Variants in PCNX1 observed in about 807,000 individuals in gnomAD.
PCNX1 encodes the protein pecanex 1.
PCNX1 carries 78 observed loss-of-function variants against 242.2 expected under a neutral mutation model. That is an observed-to-expected ratio of 0.32 (90% CI 0.27 to 0.39). PCNX1 has a LOEUF of 0.39. Ranked by LOEUF, PCNX1 falls within the 10% of genes least tolerant of loss-of-function variation. The pLI is 1.00. For missense variants in PCNX1, 2,581 were observed against 2,856.5 expected (o/e 0.90, Z 2.20); for synonymous variants, 1,024 against 1,032.9 (o/e 0.99, Z 0.17).
rs908949538 is a variant in PCNX1, at chr14:70,924,045, C to T, written c.153+16042C>T. The stretch of plus-strand genomic sequence containing the variant: ...CAGGAGTTCGAGACTAGCCTGGGCT[C>T]TATGGGGAAACCCTGTCTCTACAAA... On this transcript the variant is annotated intron_variant, in intron 1 of 35. Transcript: ENST00000304743. Among the ~76,000 whole-genome samples the T allele has an allele frequency of 2.0e-5, 3 of 151,742 alleles. No individual in the cohort carries two copies. In the East Asian group the frequency reaches 5.8e-4, roughly 29 times the overall value.
chr14:71,110,018 T>G lies in PCNX1; in HGVS notation c.*83T>G. On this transcript the variant is annotated 3_prime_UTR_variant, in exon 36 of 36. Transcript: ENST00000304743. ...AAGAGAGGAACAAGCAGAAGATGCCTGCAGGTATCACTTTGATCCTATGTG... is the reference window on the plus strand; with the variant it reads ...AAGAGAGGAACAAGCAGAAGATGCCGGCAGGTATCACTTTGATCCTATGTG... 1 of 1,216,392 alleles carries G rather than the reference T, an allele frequency of 8.2e-7. No individual in the cohort carries two copies. Among genetic ancestry groups the G allele is most frequent in the Non-Finnish European group, 1.2e-6 (1 of 822,418 alleles). The allele number at this position is 1,216,392 out of a possible 1,614,324, so 75.3% of individuals were successfully genotyped here.
chr14:71,077,133 C>CA (rs961389501), intron 28 of PCNX1, among the ~76,000 whole-genome samples: 60 of 152,170 alleles, frequency 3.9e-4, no homozygotes, highest in African/African-American at 1.4e-3. Context: ...TGGTGGCTCC[C>CA]AATCCACACA....
At position 71,111,270 on chromosome 14, in the gene PCNX1, C is replaced by T. The variant is rs117432272; in HGVS notation, c.*1335C>T. 6 of 152,578 alleles carry T rather than the reference C, an allele frequency of 3.9e-5. No homozygotes were observed. In the East Asian group the frequency reaches 1.2e-3, roughly 29 times the overall value. 9.5% of individuals were successfully genotyped at this position (152,578 alleles called of 1,614,324 possible). On this transcript the variant is annotated 3_prime_UTR_variant, in exon 36 of 36. Transcript: ENST00000304743. Reference sequence around the variant, plus strand: ...GGAACTTCAATTTAGATTTAATTTGCAACTCTTAGCATTTTTTAAATCCTT... The same window carrying T: ...GGAACTTCAATTTAGATTTAATTTGTAACTCTTAGCATTTTTTAAATCCTT...
intron 5 of PCNX1, chr14:70,970,014 A>G (rs903884864): frequency 2.0e-5 from 3 of 151,332 alleles, no homozygotes; most frequent in South Asian, 2.1e-4. Flanking sequence ...ATATGTATGT[A>G]TGTATGTATG....
At chr14:70,947,262 TG>T in intron 2 of PCNX1, 139 bp downstream of exon 2, 1 of 654,680 alleles carries the variant, frequency 1.5e-6, no homozygotes, top group Non-Finnish European at 2.7e-6. Flanking sequence ...GATACAATGA[TG>T]GGTACATATT....
intron 28 of PCNX1, among the ~76,000 whole-genome samples, chr14:71,082,230 T>G (rs1258401986): frequency 6.6e-6 from 1 of 152,214 alleles, no homozygotes; most frequent in Non-Finnish European, 1.5e-5. Flanking sequence ...AGACCGTTTG[T>G]TTTGATATCT....
At chr14:70,983,385 A>G (rs1293816784) in intron 6 of PCNX1, among the ~76,000 whole-genome samples, 1 of 151,958 alleles carries the variant, frequency 6.6e-6, no homozygotes, top group African/African-American at 2.4e-5. Context: ...GCTCACTGCA[A>G]CCTCCGCCTC....
intron 21 of PCNX1, 68 bp downstream of exon 21, chr14:71,047,173 T>C (rs1394074114): frequency 1.1e-6 from 1 of 924,564 alleles, no homozygotes; most frequent in Non-Finnish European, 1.5e-6. Context: ...CTTAAGTTGT[T>C]GATCAAATAT....
intron 8 of PCNX1, among the ~76,000 whole-genome samples, chr14:71,005,668 T>C (rs1441906904): frequency 6.6e-6 from 1 of 152,194 alleles, no homozygotes; most frequent in Non-Finnish European, 1.5e-5. Flanking sequence ...TATCAGTGTC[T>C]TGTGAATGTT....
intron 16 of PCNX1, chr14:71,031,899 C>CATCA (rs1417709106): frequency 6.9e-7 from 1 of 1,451,350 alleles, no homozygotes; most frequent in Admixed American, 1.7e-5. Flanking sequence ...TTCCAGCAGC[C>CATCA]ATCAGGGACA....
At chr14:71,015,363 CAG>C (rs1769322388) in intron 11 of PCNX1, among the ~76,000 whole-genome samples, 1 of 152,168 alleles carries the variant, frequency 6.6e-6, no homozygotes. Context: ...ATGAAAATAA[CAG>C]TGCTTCGTGT....
chr14:71,074,036 G>A (rs918955904), intron 27 of PCNX1, among the ~76,000 whole-genome samples: 1 of 152,126 alleles, frequency 6.6e-6, no homozygotes, highest in Non-Finnish European at 1.5e-5. Flanking sequence ...CTAGACATTT[G>A]TAGCTTGTGT....
chr14:70,982,953 G>A (rs1254829429), intron 6 of PCNX1, among the ~76,000 whole-genome samples: 1 of 152,178 alleles, frequency 6.6e-6, no homozygotes, highest in Non-Finnish European at 1.5e-5. Flanking sequence ...ACTCCAATGA[G>A]CTTAAACCTA....
chr14:71,039,229 A>T (rs1388014130), intron 19 of PCNX1, among the ~76,000 whole-genome samples: 1 of 152,156 alleles, frequency 6.6e-6, no homozygotes, highest in Non-Finnish European at 1.5e-5. Context: ...TAATTAAAAA[A>T]AAAAATTAAA....
intron 2 of PCNX1, among the ~76,000 whole-genome samples, chr14:70,954,781 C>T (rs1252990310): frequency 3.3e-5 from 5 of 152,036 alleles, no homozygotes; most frequent in African/African-American, 1.2e-4. Context: ...ATATGTAGCA[C>T]ATGGTTAAAT....
chr14:70,955,026 T>C (rs2057939489), intron 2 of PCNX1, among the ~76,000 whole-genome samples: 1 of 152,232 alleles, frequency 6.6e-6, no homozygotes, highest in Non-Finnish European at 1.5e-5. Flanking sequence ...GTTTGTTGTG[T>C]GAATGAATAA....
intron 5 of PCNX1, among the ~76,000 whole-genome samples, chr14:70,976,271 G>GT (rs1375449383): frequency 6.6e-6 from 1 of 152,126 alleles, no homozygotes; most frequent in Non-Finnish European, 1.5e-5. Flanking sequence ...TTACAGGGGG[G>GT]TAACCCAAAG....
chr14:71,113,297 T>C lies in PCNX1; in HGVS notation c.*3362T>C, dbSNP rs1446004506. ...ATTTCAAGTATATCTGAACTACTTATAATTCTTAAAACAGAAGTAGTCAGA... is the reference window on the plus strand; with the variant it reads ...ATTTCAAGTATATCTGAACTACTTACAATTCTTAAAACAGAAGTAGTCAGA... On this transcript the variant is annotated 3_prime_UTR_variant, in exon 36 of 36. Transcript: ENST00000304743. 3 of 152,458 alleles carry C rather than the reference T, an allele frequency of 2.0e-5. No individual in the cohort carries two copies. Among genetic ancestry groups the C allele is most frequent in the Non-Finnish European group, 4.4e-5 (3 of 68,038 alleles). 9.4% of individuals were successfully genotyped at this position (152,458 alleles called of 1,614,324 possible).
Position 71,105,304 on chromosome 14 carries a change from G to T in PCNX1, c.6165G>T (p.Gly2055=), listed in dbSNP as rs377236793. Reference sequence around the variant, plus strand: ...TTGAAGATTCTGATACTGGAGGTGGGACTTCCTGCACTGGTAACAATGCAA... The same window carrying T: ...TTGAAGATTCTGATACTGGAGGTGGTACTTCCTGCACTGGTAACAATGCAA... ...GNIEDSDTGG[G]TSCTGNNATT... is the part of the protein sequence containing the mutation. The change falls in exon 33 of 36, where the codon GGG becomes GGT. Residue 2055 remains glycine (G), a synonymous_variant. Coordinates refer to ENST00000304743, the MANE Select transcript of PCNX1 (RefSeq NM_014982.3). 144 of 1,613,914 alleles carry T rather than the reference G, an allele frequency of 8.9e-5. No individual in the cohort carries two copies. Among genetic ancestry groups the T allele is most frequent in the Non-Finnish European group, 1.2e-4 (142 of 1,179,942 alleles).
Sources: allele counts gnomAD v4.1 joint callset (sites outside exome capture counted in the v4.1 genomes callset), GRCh38; gene constraint gnomAD v4.1.1; transcripts MANE v1.5; gene names NCBI Gene and HGNC (gene_info 2026-07-23, HGNC 2026-07-21).